SNX27: variants seen among roughly 807,000 people sequenced by gnomAD.
The protein encoded by SNX27 is sorting nexin 27, also known as sorting nexin-27.
A neutral mutation model predicts 71.6 loss-of-function variants in SNX27; 22 were observed. The ratio of observed to expected loss-of-function variants is 0.31; its 90% CI spans 0.22 to 0.44. The LOEUF is 0.44. Ranked by LOEUF, SNX27 falls within the 20% of genes least tolerant of loss-of-function variation. The pLI is 1.00. For synonymous variants in SNX27, 269 were observed against 277.2 expected, an observed-to-expected ratio of 0.97 and a Z score of 0.29; for missense variants, 531 against 698.6, an observed-to-expected ratio of 0.76 and a Z score of 2.70.
chr1:151,684,838 T>C (rs1230844982), intron 8 of SNX27, among the ~76,000 whole-genome samples: 2 of 152,122 alleles, frequency 1.3e-5, no homozygotes, highest in East Asian at 3.9e-4. Flanking sequence ...AGACTGAGTC[T>C]TGCTGTGTCA....
intron 7 of SNX27, chr1:151,675,802 C>CTTTT (rs1670662793): frequency 4.2e-5 from 2 of 47,674 alleles, no homozygotes; most frequent in African/African-American, 1.4e-4. Context: ...TTCCTTCTTT[C>CTTTT]TTTCTTTCTT....
At chr1:151,656,628 A>C (rs956868798) in intron 2 of SNX27, among the ~76,000 whole-genome samples, 5 of 152,234 alleles carry the variant, frequency 3.3e-5, no homozygotes, top group Non-Finnish European at 5.9e-5. Flanking sequence ...ACTCAGAAGA[A>C]TATCTTTTGC....
intron 2 of SNX27, among the ~76,000 whole-genome samples, chr1:151,641,283 T>TTG (rs2102637355): frequency 6.6e-6 from 1 of 152,274 alleles, no homozygotes; most frequent in South Asian, 2.1e-4. Context: ...GCCAAACAGT[T>TTG]TTCCAAAGTG....
At chr1:151,618,680 A>AATT (rs1298872956) in intron 1 of SNX27, among the ~76,000 whole-genome samples, 5 of 152,230 alleles carry the variant, frequency 3.3e-5, no homozygotes, top group Non-Finnish European at 7.3e-5. Context: ...AAAGAGACTT[A>AATT]ATTGACAAGC....
At chr1:151,689,261 A>G (rs1042544807) in intron 8 of SNX27, among the ~76,000 whole-genome samples, 1 of 152,240 alleles carries the variant, frequency 6.6e-6, no homozygotes, top group African/African-American at 2.4e-5. Context: ...AAGATGACGT[A>G]GCTTCTCAGA....
At chr1:151,630,026 G>A (rs1257366929) in intron 1 of SNX27, among the ~76,000 whole-genome samples, 3 of 151,206 alleles carry the variant, frequency 2.0e-5, no homozygotes, top group African/African-American at 7.3e-5. Context: ...CAGGAGAATC[G>A]CTTGAACCCG....
At chr1:151,625,110 A>G (rs1266605190) in intron 1 of SNX27, among the ~76,000 whole-genome samples, 6 of 152,224 alleles carry the variant, frequency 3.9e-5, no homozygotes, top group South Asian at 2.1e-4. Context: ...CCAGATGCCA[A>G]TTAACATACT....
intron 2 of SNX27, among the ~76,000 whole-genome samples, chr1:151,649,053 C>G (rs570722722): frequency 1.3e-3 from 204 of 151,744 alleles, no homozygotes; most frequent in Non-Finnish European, 2.5e-3. Context: ...GCCTCTGCCT[C>G]CTGGGTTCAA....
chr1:151,656,283 C>T (rs564535649), intron 2 of SNX27, among the ~76,000 whole-genome samples: 1 of 146,966 alleles, frequency 6.8e-6, no homozygotes, highest in South Asian at 2.1e-4. Context: ...ACAATACACA[C>T]AAATGAAACA....
rs762474736 is a variant in SNX27 at position 151,648,385 on chromosome 1, TA to T, written c.543+9267del. ...AAGAGATTAAACATGAGAAAAGAGT[TA>T]TTTTATATTTGATCACATATTTACC... On this transcript the variant is annotated intron_variant, in intron 2 of 11. Transcript: ENST00000458013. Among the ~76,000 whole-genome samples the T allele has an allele frequency of 5.9e-5, 9 of 152,006 alleles. No homozygotes were observed. The South Asian group carries it at 1.9e-3, about 32-fold the overall frequency.
intron 2 of SNX27, among the ~76,000 whole-genome samples, chr1:151,646,094 A>T (rs537307616): frequency 6.6e-6 from 1 of 152,186 alleles, no homozygotes; most frequent in African/African-American, 2.4e-5. Context: ...TAATATATCT[A>T]TCTGTCTTTA....
intron 1 of SNX27, among the ~76,000 whole-genome samples, chr1:151,628,719 G>C (rs1429976306): frequency 6.6e-6 from 1 of 152,152 alleles, no homozygotes; most frequent in African/African-American, 2.4e-5. Flanking sequence ...TTCATTTGCA[G>C]TTCCCTGATG....
chr1:151,668,395 C>T lies in SNX27; in HGVS notation c.986-77C>T, dbSNP rs151270514. 4.2e-4 allele frequency: 548 copies of T among 1,306,512 alleles called. 3 individuals are homozygous for T. The African/African-American group carries it at 7.1e-3, about 17-fold the overall frequency. 80.9% of individuals were successfully genotyped at this position (1,306,512 alleles called of 1,614,324 possible). On this transcript the variant is annotated intron_variant, in intron 6 of 11. Coordinates refer to ENST00000458013, the MANE Select transcript of SNX27 (RefSeq NM_001330723.2). Reference sequence around the variant, plus strand: ...TTAATGATAACATACCATTCTTGATCTGCCTTACATAGTTTATACTAGGGA... The same window carrying T: ...TTAATGATAACATACCATTCTTGATTTGCCTTACATAGTTTATACTAGGGA...
intron 7 of SNX27, chr1:151,679,156 C>T (rs957245515): frequency 7.2e-5 from 11 of 152,074 alleles, no homozygotes; most frequent in Admixed American, 2.0e-4. Flanking sequence ...GAATATTTAA[C>T]GAATTTCACA....
intron 6 of SNX27, among the ~76,000 whole-genome samples, chr1:151,667,423 TG>T (rs2102692694): frequency 6.6e-6 from 1 of 151,960 alleles, no homozygotes; most frequent in Non-Finnish European, 1.5e-5. Context: ...TTTTTGGAGG[TG>T]GGCGGAAAAA....
At chr1:151,671,259 A>T (rs1232000820) in intron 7 of SNX27, among the ~76,000 whole-genome samples, 1 of 146,546 alleles carries the variant, frequency 6.8e-6, no homozygotes. Flanking sequence ...TTTTCCAGAG[A>T]CAGGGTCTCG....
At chr1:151,651,105 T>C (rs1477121718) in intron 2 of SNX27, among the ~76,000 whole-genome samples, 4 of 151,976 alleles carry the variant, frequency 2.6e-5, no homozygotes, top group Non-Finnish European at 5.9e-5. Flanking sequence ...CCGTTCTCAA[T>C]GAGCTGTTGG....
At chr1:151,674,221 G>A (rs1482561108) in intron 7 of SNX27, among the ~76,000 whole-genome samples, 8 of 151,842 alleles carry the variant, frequency 5.3e-5, no homozygotes. Context: ...TATGTTTGTA[G>A]GTTTGCAGTT....
chr1:151,617,580 A>G (rs1667477585), intron 1 of SNX27, among the ~76,000 whole-genome samples: 1 of 152,150 alleles, frequency 6.6e-6, no homozygotes, highest in Admixed American at 6.5e-5. Context: ...CACTGCGCCC[A>G]GTCAGTCTGT....
Sources: gnomAD v4.1 joint callset for allele counts (sites outside exome capture counted in the v4.1 genomes callset) on GRCh38, gnomAD v4.1.1 for gene constraint, MANE v1.5 for transcripts, NCBI Gene and HGNC (gene_info 2026-07-23, HGNC 2026-07-21) for gene names.